GRHL2: variants seen among roughly 807,000 people sequenced by gnomAD.
GRHL2 encodes the protein grainyhead like transcription factor 2.
In GRHL2, 21 loss-of-function variants were observed where a neutral mutation model predicts 83.8. The ratio of observed to expected loss-of-function variants is 0.25; its 90% CI spans 0.18 to 0.36. The LOEUF is 0.36. GRHL2 is among the 10% of genes least tolerant of loss of function. The pLI is 1.00. For missense variants in GRHL2, 623 were observed against 781.8 expected (o/e 0.80, Z 2.42); for synonymous variants, 280 against 278.9 (o/e 1.00, Z -0.04).
intron 4 of GRHL2, chr8:101,562,160 G>T: frequency 1.6e-6 from 1 of 627,906 alleles, no homozygotes; most frequent in South Asian, 1.4e-5. Flanking sequence ...TCTTCGATCT[G>T]TTCATTATAA....
At chr8:101,523,408 A>G (rs1467637728) in intron 1 of GRHL2, among the ~76,000 whole-genome samples, 2 of 151,990 alleles carry the variant, frequency 1.3e-5, no homozygotes, top group Non-Finnish European at 2.9e-5. Flanking sequence ...AACACCCAAA[A>G]TTATTAGTTC....
chr8:101,677,844 G>A, the GRHL2 span, among the ~76,000 whole-genome samples: 1 of 152,048 alleles, frequency 6.6e-6, no homozygotes, highest in East Asian at 1.9e-4. Context: ...CTGGACATGT[G>A]GTCAGCGTTC....
At chr8:101,573,568 A>C in intron 5 of GRHL2, 100 bp from the exon 6 acceptor site, 1 of 1,422,350 alleles carries the variant, frequency 7.0e-7, no homozygotes, top group Non-Finnish European at 9.9e-7. Flanking sequence ...AACAGTAAAC[A>C]TTGGTTAATG....
intron 1 of GRHL2, among the ~76,000 whole-genome samples, chr8:101,495,184 G>A (rs1307972059): frequency 6.6e-6 from 1 of 152,310 alleles, no homozygotes; most frequent in South Asian, 2.1e-4. Context: ...CAAGTGAGAG[G>A]CTTCATCAGC....
chr8:101,517,980 A>T (rs1402711045), intron 1 of GRHL2, among the ~76,000 whole-genome samples: 1 of 152,156 alleles, frequency 6.6e-6, no homozygotes, highest in East Asian at 1.9e-4. Context: ...TCACATGGCC[A>T]GCAGGAGAGC....
downstream of GRHL2, among the ~76,000 whole-genome samples, chr8:101,670,414 C>T (rs1814186133): frequency 6.6e-6 from 1 of 152,230 alleles, no homozygotes; most frequent in Non-Finnish European, 1.5e-5. Context: ...CATCATTTGC[C>T]TTCAGGAAGC....
chr8:101,558,353 C>G (rs1322860707), intron 3 of GRHL2, 66 bp from the exon 4 acceptor site: 1 of 1,571,546 alleles, frequency 6.4e-7, no homozygotes, highest in Non-Finnish European at 8.7e-7. Context: ...ATTGGTTATT[C>G]TATTAGGCGT....
chr8:101,532,792 C>G (rs1243068158), intron 1 of GRHL2, among the ~76,000 whole-genome samples: 1 of 151,042 alleles, frequency 6.6e-6, no homozygotes, highest in Non-Finnish European at 1.5e-5. Flanking sequence ...TTCATGTGCT[C>G]TCAAGATAAA....
chr8:101,657,585 A>G (rs933986664), intron 14 of GRHL2, among the ~76,000 whole-genome samples: 2 of 152,230 alleles, frequency 1.3e-5, no homozygotes, highest in Admixed American at 6.5e-5. Flanking sequence ...TCACGCCTGT[A>G]ATCCCAGCAC....
At chr8:101,543,727 C>T in intron 2 of GRHL2, 1 of 409,764 alleles carries the variant, frequency 2.4e-6, no homozygotes, top group African/African-American at 2.0e-5. Context: ...CAAATACTTC[C>T]TTGTTGCTAT....
chr8:101,544,665 A>G (rs974557717), intron 2 of GRHL2, among the ~76,000 whole-genome samples: 8 of 152,224 alleles, frequency 5.3e-5, no homozygotes, highest in African/African-American at 1.4e-4. Flanking sequence ...GTTGGGCACA[A>G]TGAACTCTTA....
rs926008873 is a variant in GRHL2, at chr8:101,559,702, T to C, written c.678+890T>C. ...GAGCTCATAGGACTAACTTTGCTTG[T>C]TTATTTTAAATTCAGAAGTTCTAAG... On this transcript the variant is annotated intron_variant, in intron 4 of 15. Coordinates refer to ENST00000646743, the MANE Select transcript of GRHL2 (RefSeq NM_024915.4). 7.2e-5 allele frequency among the ~76,000 whole-genome samples: 11 copies of C among 152,332 alleles called. No individual in the cohort carries two copies. The East Asian group carries it at 7.7e-4, about 11-fold the overall frequency.
chr8:101,626,988 G>A (rs746602150), intron 9 of GRHL2, among the ~76,000 whole-genome samples: 8 of 152,042 alleles, frequency 5.3e-5, no homozygotes, highest in Non-Finnish European at 1.2e-4. Context: ...GTTTTGTCAT[G>A]CTGATAGCTG....
At chr8:101,565,740 G>C (rs547139906) in intron 4 of GRHL2, among the ~76,000 whole-genome samples, 2 of 152,202 alleles carry the variant, frequency 1.3e-5, no homozygotes, top group African/African-American at 4.8e-5. Flanking sequence ...CAAGAGGGCC[G>C]AGAAGTTTAA....
intron 7 of GRHL2, among the ~76,000 whole-genome samples, chr8:101,594,172 G>A (rs563163284): frequency 3.6e-4 from 54 of 151,704 alleles, no homozygotes; most frequent in Non-Finnish European, 7.2e-4. Context: ...AGCGGAGATC[G>A]GAGATCGGAG....
chr8:101,558,709 A>G lies in GRHL2; in HGVS notation c.575A>G (p.Tyr192Cys), dbSNP rs746040300. 9.3e-6 allele frequency: 15 copies of G among 1,614,022 alleles called. No homozygotes were observed. The highest frequency in any genetic ancestry group is 2.7e-5 in the African/African-American group (2 of 74,898). ...QRVVIFEQTQ[Y>C]DVPSLATHSA... ...GTGGTTATCTTTGAACAGACTCAGT[A>G]TGACGTGCCCTCGCTGGCCACCCAC... Residue 192 changes from tyrosine (Y) to cysteine (C), a missense_variant, in exon 4 of 16, where the codon TAT (tyrosine) becomes TGT (cysteine). Physicochemically the swap from Tyr to Cys is radical, Grantham distance 194. Coordinates refer to ENST00000646743, the MANE Select transcript of GRHL2 (RefSeq NM_024915.4).
At chr8:101,604,465 A>G (rs899552534) in intron 8 of GRHL2, among the ~76,000 whole-genome samples, 1 of 152,078 alleles carries the variant, frequency 6.6e-6, no homozygotes, top group African/African-American at 2.4e-5. Flanking sequence ...CTCTGTTCGC[A>G]GTGATTTTAA....
intron 7 of GRHL2, among the ~76,000 whole-genome samples, chr8:101,598,536 G>A (rs910875051): frequency 2.7e-5 from 4 of 150,450 alleles, no homozygotes; most frequent in East Asian, 3.9e-4. Flanking sequence ...CACCACACCC[G>A]GCCCCAAAAG....
In GRHL2 at chr8:101,543,443, C is replaced by A. The variant is rs199992903; in HGVS notation, c.216+7C>A. On this transcript the variant is annotated splice_region_variant and intron_variant, in intron 2 of 15. Coordinates refer to ENST00000646743, the MANE Select transcript of GRHL2 (RefSeq NM_024915.4). ...GCTCTATGACTACTACAAGGTAGGT[C>A]CCCAGCCTCCACTTTTCTCTTCTTC... 1 of 1,613,046 alleles carries A rather than the reference C, an allele frequency of 6.2e-7. No individual in the cohort carries two copies. Among genetic ancestry groups the A allele is most frequent in the South Asian group, 1.1e-5 (1 of 91,016 alleles).
Sources: gnomAD v4.1 joint callset for allele counts (sites outside exome capture counted in the v4.1 genomes callset) on GRCh38, gnomAD v4.1.1 for gene constraint, MANE v1.5 for transcripts, NCBI Gene and HGNC (gene_info 2026-07-23, HGNC 2026-07-21) for gene names.